NR3C1: variants seen among roughly 807,000 people sequenced by gnomAD.
The protein encoded by NR3C1 is nuclear receptor subfamily 3 group C member 1.
A neutral mutation model predicts 74.0 loss-of-function variants in NR3C1; 14 were observed. The observed-to-expected ratio is 0.19, with a 90% CI of 0.12 to 0.30. The LOEUF (loss-of-function observed/expected upper bound fraction) is 0.30. Ranked by LOEUF, NR3C1 falls within the 10% of genes least tolerant of loss-of-function variation. The probability of loss-of-function intolerance (pLI) is 1.00; values close to 1 mark genes in which losing one functional copy is unlikely to be tolerated. For synonymous variants in NR3C1, 308 were observed against 332.5 expected, an observed-to-expected ratio of 0.93 and a Z score of 0.80; for missense variants, 695 against 909.8, an observed-to-expected ratio of 0.76 and a Z score of 3.04.
At chr5:143,398,094 C>G (rs538452591) in intron 2 of NR3C1, among the ~76,000 whole-genome samples, 2 of 151,726 alleles carry the variant, frequency 1.3e-5, no homozygotes, top group East Asian at 3.8e-4. Context: ...TCAAATCAAC[C>G]GTACTTAACT....
At chr5:143,295,272 TTG>T (rs1816930486) in intron 7 of NR3C1, 186 bp downstream of exon 7, 2 of 985,360 alleles carry the variant, frequency 2.0e-6, no homozygotes, top group Middle Eastern at 5.2e-4. Context: ...CCATACCTAT[TTG>T]TCTTATTAAT....
intron 2 of NR3C1, among the ~76,000 whole-genome samples, chr5:143,391,437 A>G (rs1025115621): frequency 6.6e-6 from 1 of 152,208 alleles, no homozygotes; most frequent in African/African-American, 2.4e-5. Context: ...TAAATGTAAA[A>G]AAATTTTAAA....
intron 4 of NR3C1, among the ~76,000 whole-genome samples, chr5:143,303,798 T>A (rs1819000629): frequency 6.6e-6 from 1 of 152,084 alleles, no homozygotes; most frequent in African/African-American, 2.4e-5. Context: ...TCAATAAATG[T>A]GATTCACCAC....
At chr5:143,316,576 T>G (rs1236529342) in intron 2 of NR3C1, among the ~76,000 whole-genome samples, 2 of 152,184 alleles carry the variant, frequency 1.3e-5, no homozygotes, top group African/African-American at 4.8e-5. Flanking sequence ...GGAGCCTATC[T>G]ACGGTGAAGC....
At chr5:143,296,939 G>A (rs748022001) in intron 6 of NR3C1, among the ~76,000 whole-genome samples, 6 of 151,926 alleles carry the variant, frequency 3.9e-5, no homozygotes, top group Non-Finnish European at 8.8e-5. Context: ...TTAGCCAAGT[G>A]TGGTGGAGTG....
At chr5:143,422,123 A>G (rs1451338953) in intron 1 of NR3C1, among the ~76,000 whole-genome samples, 1 of 152,144 alleles carries the variant, frequency 6.6e-6, no homozygotes, top group Non-Finnish European at 1.5e-5. Flanking sequence ...CCTCCCAAGT[A>G]TGACATCTCA....
At chr5:143,411,005 T>C (rs537605729) in intron 1 of NR3C1, among the ~76,000 whole-genome samples, 4 of 152,316 alleles carry the variant, frequency 2.6e-5, no homozygotes, top group African/African-American at 9.6e-5. Context: ...ATCAAATATT[T>C]TAACAACAAA....
At chr5:143,429,648 A>G (rs1751710269) in intron 1 of NR3C1, among the ~76,000 whole-genome samples, 1 of 152,248 alleles carries the variant, frequency 6.6e-6, no homozygotes. Context: ...AACATATCCA[A>G]AATAAAAAGA....
At chr5:143,323,518 T>C (rs1439598914) in intron 2 of NR3C1, among the ~76,000 whole-genome samples, 2 of 152,064 alleles carry the variant, frequency 1.3e-5, no homozygotes, top group Admixed American at 1.3e-4. Flanking sequence ...TTCTGGGACA[T>C]ACAATTCAAG....
intron 2 of NR3C1, among the ~76,000 whole-genome samples, chr5:143,378,472 A>G (rs1203102220): frequency 1.3e-5 from 2 of 152,150 alleles, no homozygotes; most frequent in Admixed American, 6.5e-5. Context: ...AAAGGTAGCT[A>G]TGGTGCGGAA....
At chr5:143,382,939 T>C (rs549587880) in intron 2 of NR3C1, among the ~76,000 whole-genome samples, 2 of 152,374 alleles carry the variant, frequency 1.3e-5, no homozygotes, top group African/African-American at 4.8e-5. Flanking sequence ...ACAAGTCTAC[T>C]GCCCACAGTC....
chr5:143,286,911 T>C (rs1400135954), intron 7 of NR3C1, among the ~76,000 whole-genome samples: 1 of 151,832 alleles, frequency 6.6e-6, no homozygotes, highest in Admixed American at 6.6e-5. Context: ...AGTCCTTCAA[T>C]GTACCTCCTA....
At position 143,281,225 on chromosome 5, in the gene NR3C1, C is replaced by T. The variant is rs1813037318; in HGVS notation, c.*664G>A. The stretch of plus-strand genomic sequence containing the variant: ...TTAGAAGCACCAACCCATTTTCACA[C>T]AGATGATTGATTAATGTTTAGAGTT... On this transcript the variant is annotated 3_prime_UTR_variant, in exon 9 of 9. Coordinates refer to ENST00000394464, the MANE Select transcript of NR3C1 (RefSeq NM_000176.3). The T allele has an allele frequency of 6.7e-6, 1 of 149,832 alleles. No homozygotes were observed. The highest frequency in any genetic ancestry group is 2.1e-4 in the South Asian group (1 of 4,716). The allele number at this position is 149,832 out of a possible 1,614,324, so 9.3% of individuals were successfully genotyped here. A position where few individuals can be genotyped will look rare whatever the true frequency, so the allele number is the denominator to read the frequency against.
In NR3C1 at chr5:143,367,088, A is replaced by G. The variant is rs10066267; in HGVS notation, c.1184+32568T>C. Among the ~76,000 whole-genome samples, 671 of 152,338 alleles carry G rather than the reference A, an allele frequency of 4.4e-3. 2 individuals are homozygous for G. Among genetic ancestry groups the G allele is most frequent in the African/African-American group, 0.015 (639 of 41,582 alleles). On this transcript the variant is annotated intron_variant, in intron 2 of 8. Transcript: ENST00000394464. ...CCATAACCAAGTGAGATGAAACCCA[A>G]GAACACAGGGTTTGTTTGACATATG... is the stretch of plus-strand genomic sequence containing the variant.
chr5:143,392,217 G>A (rs1036202859), intron 2 of NR3C1, among the ~76,000 whole-genome samples: 13 of 152,006 alleles, frequency 8.6e-5, no homozygotes, highest in African/African-American at 2.9e-4. Flanking sequence ...TGCCCGCCTC[G>A]GCCTCCCAAA....
At chr5:143,316,018 C>T (rs1260409353) in intron 2 of NR3C1, among the ~76,000 whole-genome samples, 1 of 152,158 alleles carries the variant, frequency 6.6e-6, no homozygotes, top group African/African-American at 2.4e-5. Context: ...TAGATGCTTC[C>T]GTATTACAAG....
upstream of NR3C1, among the ~76,000 whole-genome samples, chr5:143,404,843 C>T (rs1840988102): frequency 1.3e-5 from 2 of 152,188 alleles, no homozygotes; most frequent in South Asian, 2.1e-4. Flanking sequence ...GCAGGCCCCA[C>T]CCCCGAATCT....
chr5:143,421,483 T>C (rs1751228168), intron 1 of NR3C1, among the ~76,000 whole-genome samples: 1 of 152,094 alleles, frequency 6.6e-6, no homozygotes, highest in Non-Finnish European at 1.5e-5. Flanking sequence ...CCTCACAGGA[T>C]TGTTATGAGG....
chr5:143,353,907 G>A (rs1830652485), intron 2 of NR3C1, among the ~76,000 whole-genome samples: 1 of 152,228 alleles, frequency 6.6e-6, no homozygotes, highest in South Asian at 2.1e-4. Context: ...AGCTATGAAA[G>A]TCCTAGATGG....
Sources: gnomAD v4.1 joint callset for allele counts (sites outside exome capture counted in the v4.1 genomes callset) on GRCh38, gnomAD v4.1.1 for gene constraint, MANE v1.5 for transcripts, NCBI Gene and HGNC (gene_info 2026-07-23, HGNC 2026-07-21) for gene names.